Variants in GRIK3 observed in about 807,000 individuals in gnomAD.
The protein encoded by GRIK3 is glutamate ionotropic receptor kainate type subunit 3, also known as glutamate receptor ionotropic, kainate 3.
A neutral mutation model predicts 102.5 loss-of-function variants in GRIK3; 29 were observed. That is an observed-to-expected ratio of 0.28 (90% CI 0.21 to 0.39). The LOEUF (loss-of-function observed/expected upper bound fraction) is 0.39. Ranked by LOEUF, GRIK3 falls within the 10% of genes least tolerant of loss-of-function variation. The pLI is 1.00. For missense variants in GRIK3, 908 were observed against 1,252.4 expected (o/e 0.73, Z 4.15); for synonymous variants, 511 against 504.9 (o/e 1.01, Z -0.16).
chr1:36,927,637 A>G (rs967419786), intron 1 of GRIK3, among the ~76,000 whole-genome samples: 29 of 152,134 alleles, frequency 1.9e-4, no homozygotes, highest in Non-Finnish European at 4.0e-4. Context: ...AGATAGAGGG[A>G]AAAAAGAGGG....
In GRIK3 at chr1:37,034,198, G is replaced by T. The variant is rs1040479575; in HGVS notation, c.-90C>A. 6.6e-6 allele frequency: 2 copies of T among 305,308 alleles called. No homozygotes were observed. The highest frequency in any genetic ancestry group is 4.5e-5 in the African/African-American group (2 of 44,262). The allele number at this position is 305,308 out of a possible 1,614,324, so 18.9% of individuals were successfully genotyped here. On this transcript the variant is annotated 5_prime_UTR_variant, in exon 1 of 16. Coordinates refer to ENST00000373091, the MANE Select transcript of GRIK3 (RefSeq NM_000831.4). ...GGCGCGGGCGCGCAGCAGCCCCGAA[G>T]GCGCCGCCTGGCCCAGCCGCCCGGC...
intron 10 of GRIK3, among the ~76,000 whole-genome samples, chr1:36,826,419 AG>A (rs1285421795): frequency 1.3e-5 from 2 of 152,202 alleles, no homozygotes; most frequent in African/African-American, 4.8e-5. Flanking sequence ...CTGCAATCCC[AG>A]CACTTTGGAG....
intron 1 of GRIK3, among the ~76,000 whole-genome samples, chr1:36,902,277 A>G (rs990059785): frequency 1.3e-5 from 2 of 152,190 alleles, no homozygotes; most frequent in African/African-American, 4.8e-5. Context: ...AATCAACACA[A>G]TATTGAAGGA....
intron 10 of GRIK3, among the ~76,000 whole-genome samples, chr1:36,836,763 A>G (rs1640384011): frequency 6.6e-6 from 1 of 152,176 alleles, no homozygotes; most frequent in African/African-American, 2.4e-5. Context: ...CGTGGCCTGC[A>G]GAGATTTTAT....
intron 1 of GRIK3, among the ~76,000 whole-genome samples, chr1:37,018,466 A>G (rs1305260789): frequency 6.6e-6 from 1 of 152,132 alleles, no homozygotes; most frequent in African/African-American, 2.4e-5. Flanking sequence ...GGCCACTCCC[A>G]CCTGCATGCC....
chr1:36,981,244 A>G (rs1642245048), intron 1 of GRIK3, among the ~76,000 whole-genome samples: 1 of 152,204 alleles, frequency 6.6e-6, no homozygotes, highest in African/African-American at 2.4e-5. Context: ...TCTCCATGGA[A>G]GCAAGTGGCT....
intron 1 of GRIK3, among the ~76,000 whole-genome samples, chr1:36,976,256 C>T (rs1642194970): frequency 6.6e-6 from 1 of 152,170 alleles, no homozygotes. Flanking sequence ...CTCTCGACTC[C>T]TTCCCTTTTG....
chr1:36,893,003 A>G (rs1641133790), intron 1 of GRIK3, among the ~76,000 whole-genome samples: 1 of 152,212 alleles, frequency 6.6e-6, no homozygotes. Flanking sequence ...TTAGAATTCA[A>G]TCTTAATCTA....
intron 3 of GRIK3, among the ~76,000 whole-genome samples, chr1:36,879,390 A>G (rs1008431545): frequency 1.3e-5 from 2 of 152,134 alleles, no homozygotes; most frequent in Non-Finnish European, 2.9e-5. Flanking sequence ...GCTATTTGGG[A>G]GACTGAGGTG....
At chr1:36,989,099 C>T (rs1459685454) in intron 1 of GRIK3, among the ~76,000 whole-genome samples, 1 of 152,090 alleles carries the variant, frequency 6.6e-6, no homozygotes, top group Non-Finnish European at 1.5e-5. Context: ...CAGGCTCACG[C>T]CCCACTCCCC....
intron 9 of GRIK3, among the ~76,000 whole-genome samples, chr1:36,849,062 G>T (rs145453802): frequency 1.8e-3 from 273 of 152,260 alleles, no homozygotes; most frequent in African/African-American, 6.2e-3. Flanking sequence ...AACCCCGAGG[G>T]CCGATGGTGA....
intron 1 of GRIK3, among the ~76,000 whole-genome samples, chr1:36,980,575 C>A (rs1009975582): frequency 2.0e-5 from 3 of 151,920 alleles, no homozygotes; most frequent in Non-Finnish European, 4.4e-5. Flanking sequence ...GCCCCCCACC[C>A]CACACCCAGA....
At position 36,882,617 on chromosome 1, in the gene GRIK3, C is replaced by T. The variant is rs549128407; in HGVS notation, c.293-1726G>A. Reference sequence around the variant, plus strand: ...ACCACTCACTGACCTTCCTAGTTCACAGCCATGAGTTTAGAGGACATTTGT... The same window carrying T: ...ACCACTCACTGACCTTCCTAGTTCATAGCCATGAGTTTAGAGGACATTTGT... On this transcript the variant is annotated intron_variant, in intron 2 of 15. Transcript: ENST00000373091. 4.7e-4 allele frequency among the ~76,000 whole-genome samples: 71 copies of T among 152,282 alleles called. 2 individuals are homozygous for T. The South Asian group carries it at 0.012, about 26-fold the overall frequency.
chr1:37,021,756 G>A (rs1025952890), intron 1 of GRIK3, among the ~76,000 whole-genome samples: 4 of 152,182 alleles, frequency 2.6e-5, no homozygotes, highest in African/African-American at 9.7e-5. Flanking sequence ...CAGTTCTGTT[G>A]TGTTCAGGAG....
In GRIK3 at chr1:36,880,258, AG is replaced by A. The variant is rs1640956983; in HGVS notation, c.550+375del. On this transcript the variant is annotated intron_variant, in intron 3 of 15. Transcript: ENST00000373091. This position sits in a 1 kb window ranked among gnomAD's most constrained non-coding sequence, Gnocchi z 5.4. ...CTATGTGTGTGAGTGTGCAAGTGTG[AG>A]GGTGGATGTGTTTGCAGCAGATGGA... is the stretch of plus-strand genomic sequence containing the variant. Among the ~76,000 whole-genome samples the A allele has an allele frequency of 6.6e-6, 1 of 152,058 alleles. No individual in the cohort carries two copies. Among genetic ancestry groups the A allele is most frequent in the South Asian group, 2.1e-4 (1 of 4,816 alleles).
At chr1:36,907,536 G>A (rs946816601) in intron 1 of GRIK3, among the ~76,000 whole-genome samples, 2 of 152,122 alleles carry the variant, frequency 1.3e-5, no homozygotes, top group Non-Finnish European at 2.9e-5. Context: ...ACAGAAGATG[G>A]GCATGGTCCA....
chr1:36,853,576 T>C, intron 8 of GRIK3, 39 bp downstream of exon 8: 2 of 1,342,804 alleles, frequency 1.5e-6, no homozygotes, highest in South Asian at 1.2e-5. Flanking sequence ...AAGAAGCCCC[T>C]GCTCCTCCGC....
At chr1:36,923,465 A>T (rs541814675) in intron 1 of GRIK3, among the ~76,000 whole-genome samples, 2 of 152,304 alleles carry the variant, frequency 1.3e-5, no homozygotes, top group East Asian at 3.9e-4. Context: ...TGCTGGAGCC[A>T]AATTTTGCAG....
intron 2 of GRIK3, among the ~76,000 whole-genome samples, chr1:36,888,142 C>T (rs1427969600): frequency 6.6e-6 from 1 of 152,088 alleles, no homozygotes; most frequent in Non-Finnish European, 1.5e-5. Context: ...GAAACCAACA[C>T]ATAAGTGTAA....
Sources: gnomAD v4.1 joint callset for allele counts (sites outside exome capture counted in the v4.1 genomes callset) on GRCh38, gnomAD v4.1.1 for gene constraint, Gnocchi (gnomAD v3.1) non-coding constraint, MANE v1.5 for transcripts, NCBI Gene and HGNC (gene_info 2026-07-23, HGNC 2026-07-21) for gene names.